WDR70: variants seen among roughly 807,000 people sequenced by gnomAD.
The protein encoded by WDR70 is WD repeat-containing protein 70.
A neutral mutation model predicts 88.6 loss-of-function variants in WDR70; 53 were observed. The ratio of observed to expected loss-of-function variants is 0.60; its 90% CI spans 0.48 to 0.75. The LOEUF is 0.75. Among genes scored for constraint, WDR70 ranks in the 30% least tolerant of loss-of-function variants. The pLI is 0.00. For missense variants in WDR70, 610 were observed against 823.2 expected (o/e 0.74, Z 3.17); for synonymous variants, 280 against 270.0 (o/e 1.04, Z -0.36).
At chr5:37,713,428 T>A (rs1747571486) in intron 13 of WDR70, among the ~76,000 whole-genome samples, 1 of 152,158 alleles carries the variant, frequency 6.6e-6, no homozygotes, top group African/African-American at 2.4e-5. Context: ...GTATCCCTTT[T>A]GATTAAACAG....
intron 8 of WDR70, among the ~76,000 whole-genome samples, chr5:37,482,296 A>G (rs538365777): frequency 6.6e-5 from 10 of 152,260 alleles, no homozygotes; most frequent in African/African-American, 2.2e-4. Context: ...CTCACACTGC[A>G]AATAAAGACA....
rs117829195 is a variant in WDR70 at position 37,688,911 on chromosome 5, G to A, written c.1093-8744G>A. On this transcript the variant is annotated intron_variant, in intron 10 of 17. Coordinates refer to ENST00000265107, the MANE Select transcript of WDR70 (RefSeq NM_018034.4). ...CCTCACCTGGGAAGCGCAAGGGGTC[G>A]GGGGAATTCCCTTTCCTAGCCGAGG... Among the ~76,000 whole-genome samples, 33 of 152,152 alleles carry A rather than the reference G, an allele frequency of 2.2e-4. 2 individuals are homozygous for A. The East Asian group carries it at 5.3e-3, about 24-fold the overall frequency.
chr5:37,705,950 C>T (rs965872521), intron 13 of WDR70, among the ~76,000 whole-genome samples: 2 of 152,122 alleles, frequency 1.3e-5, no homozygotes, highest in Non-Finnish European at 2.9e-5. Context: ...CAGAATAAAC[C>T]CCTACATGCT....
chr5:37,725,200 A>T, intron 16 of WDR70, 150 bp downstream of exon 16: 1 of 647,036 alleles, frequency 1.5e-6, no homozygotes, highest in Non-Finnish European at 2.6e-6. Context: ...CTTTTTAGTA[A>T]CAGAAAAGCT....
chr5:37,722,768 G>T, intron 14 of WDR70, 87 bp from the exon 15 acceptor site: 1 of 1,247,464 alleles, frequency 8.0e-7, no homozygotes, highest in Non-Finnish European at 1.1e-6. Context: ...CACAGAGTAT[G>T]TTCCTGAAAG....
At chr5:37,623,678 G>T (rs1255157347) in intron 10 of WDR70, among the ~76,000 whole-genome samples, 2 of 151,968 alleles carry the variant, frequency 1.3e-5, no homozygotes, top group African/African-American at 4.8e-5. Flanking sequence ...GTTCTCCAGG[G>T]GTGGTTCTGG....
intron 12 of WDR70, among the ~76,000 whole-genome samples, chr5:37,701,993 GT>G (rs765293466): frequency 6.6e-6 from 1 of 152,058 alleles, no homozygotes; most frequent in African/African-American, 2.4e-5. Flanking sequence ...ACTTTTAAAG[GT>G]TTTTTTGAAG....
chr5:37,601,826 T>C (rs1005518842), intron 9 of WDR70, among the ~76,000 whole-genome samples: 4 of 152,144 alleles, frequency 2.6e-5, no homozygotes, highest in African/African-American at 9.7e-5. Flanking sequence ...AACCCAAATG[T>C]CCATCAGTAA....
In WDR70 at chr5:37,382,678, A is replaced by G. The variant is rs1748467648; in HGVS notation, c.175+993A>G. On this transcript the variant is annotated intron_variant, in intron 3 of 17. Coordinates refer to ENST00000265107, the MANE Select transcript of WDR70 (RefSeq NM_018034.4). ...GCCTGCCTCCTAAAGTGCTGGGATT[A>G]CAGGTGTGAGCCACCGCACCCGGCC... Among the ~76,000 whole-genome samples, 3 of 151,760 alleles carry G rather than the reference A, an allele frequency of 2.0e-5. No homozygotes were observed. The South Asian group carries it at 6.3e-4, about 32-fold the overall frequency.
intron 8 of WDR70, among the ~76,000 whole-genome samples, chr5:37,500,027 T>A (rs1411090330): frequency 6.6e-6 from 1 of 152,160 alleles, no homozygotes; most frequent in African/African-American, 2.4e-5. Context: ...AAGTGTGAGA[T>A]TTTAGTGCAC....
chr5:37,466,974 G>A (rs1235912847), intron 7 of WDR70, among the ~76,000 whole-genome samples: 1 of 151,874 alleles, frequency 6.6e-6, no homozygotes, highest in African/African-American at 2.4e-5. Flanking sequence ...GGTGGCTTGT[G>A]CCTGTATTCC....
intron 9 of WDR70, among the ~76,000 whole-genome samples, chr5:37,525,167 AG>A (rs1208147611): frequency 6.6e-6 from 1 of 152,184 alleles, no homozygotes; most frequent in Non-Finnish European, 1.5e-5. Flanking sequence ...CCAAATCAAA[AG>A]AATATACATT....
chr5:37,386,498 T>C (rs1748621128), intron 3 of WDR70, among the ~76,000 whole-genome samples: 1 of 152,256 alleles, frequency 6.6e-6, no homozygotes. Flanking sequence ...TGACTGACTT[T>C]TTTATTTTTA....
intron 7 of WDR70, among the ~76,000 whole-genome samples, chr5:37,456,008 A>G (rs1738826395): frequency 6.7e-6 from 1 of 148,336 alleles, no homozygotes; most frequent in Non-Finnish European, 1.5e-5. Flanking sequence ...GTTGATAGAC[A>G]TTTGGCTTAT....
chr5:37,459,091 A>G (rs1738917982), intron 7 of WDR70, among the ~76,000 whole-genome samples: 1 of 45,608 alleles, frequency 2.2e-5, no homozygotes, highest in African/African-American at 6.7e-5. Flanking sequence ...TGTACCCAGT[A>G]GTCATTCAGG....
chr5:37,384,524 G>A (rs1477916303), intron 3 of WDR70, among the ~76,000 whole-genome samples: 2 of 151,636 alleles, frequency 1.3e-5, no homozygotes, highest in Non-Finnish European at 2.9e-5. Flanking sequence ...GCTGGGCGTG[G>A]TGGCGGGCGC....
intron 9 of WDR70, among the ~76,000 whole-genome samples, chr5:37,567,030 A>G (rs1419618131): frequency 6.6e-6 from 1 of 152,188 alleles, no homozygotes; most frequent in Non-Finnish European, 1.5e-5. Context: ...ATAGTATGGT[A>G]GTTGTTACTG....
At chr5:37,537,010 G>A (rs1302687077) in intron 9 of WDR70, among the ~76,000 whole-genome samples, 1 of 151,994 alleles carries the variant, frequency 6.6e-6, no homozygotes, top group African/African-American at 2.4e-5. Flanking sequence ...TATAACCATA[G>A]CCATAAATAA....
At position 37,437,826 on chromosome 5, in the gene WDR70, C is replaced by T. The variant is rs1581277485; in HGVS notation, c.493-96C>T. 7 of 1,215,372 alleles carry T rather than the reference C, an allele frequency of 5.8e-6. No individual in the cohort carries two copies. In the East Asian group the frequency reaches 1.1e-4, roughly 18 times the overall value. 75.3% of individuals were successfully genotyped at this position (1,215,372 alleles called of 1,614,324 possible). ...GCTTTGTGTTTAAAAACCAATGATG[C>T]AATTTTAAAAAATTGTATTTCCTGT... On this transcript the variant is annotated intron_variant, in intron 5 of 17. Transcript: ENST00000265107.
Sources: allele counts gnomAD v4.1 joint callset (sites outside exome capture counted in the v4.1 genomes callset), GRCh38; gene constraint gnomAD v4.1.1; transcripts MANE v1.5; gene names NCBI Gene and HGNC (gene_info 2026-07-23, HGNC 2026-07-21).